VEZT: variants seen among roughly 807,000 people sequenced by gnomAD.
VEZT encodes vezatin, adherens junctions transmembrane protein.
Under a neutral mutation model 79.9 loss-of-function variants are expected in VEZT, and 39 were observed. The ratio of observed to expected loss-of-function variants is 0.49; its 90% CI spans 0.38 to 0.64. The LOEUF (loss-of-function observed/expected upper bound fraction) is 0.64, where lower values mean the gene tolerates loss of function less well. Among genes scored for constraint, VEZT ranks in the 30% least tolerant of loss-of-function variants. VEZT has a pLI of 0.00. For missense variants in VEZT, 837 were observed against 893.1 expected, an observed-to-expected ratio of 0.94 and a Z score of 0.80; for synonymous variants, 325 against 327.6, an observed-to-expected ratio of 0.99 and a Z score of 0.09.
intron 1 of VEZT, among the ~76,000 whole-genome samples, chr12:95,240,725 T>C (rs576338702): frequency 4.6e-5 from 7 of 152,336 alleles, no homozygotes; most frequent in South Asian, 2.1e-4. Flanking sequence ...TGTTGAGCAT[T>C]GCAAGTCATG....
chr12:95,236,352 C>T (rs540605298), intron 1 of VEZT, among the ~76,000 whole-genome samples: 14 of 152,178 alleles, frequency 9.2e-5, no homozygotes, highest in African/African-American at 3.4e-4. Flanking sequence ...AGGGAGGTTG[C>T]AGTGAGCCGA....
Position 95,300,349 on chromosome 12 carries a change from A to G in VEZT, c.2016A>G (p.Lys672=), listed in dbSNP as rs773917929. Residue 672 remains lysine (K), a synonymous_variant, in exon 12 of 12, where the codon AAA becomes AAG. Transcript: ENST00000436874. ...TATGTGAAAACTCTCTAGAAGGTAA[A>G]AATAAAGATAATTCTTCAAATGAAG... ...EYLCENSLEG[K]NKDNSSNEVF... 4 of 1,612,790 alleles carry G rather than the reference A, an allele frequency of 2.5e-6. No homozygotes were observed. In the South Asian group the frequency reaches 4.4e-5, roughly 18 times the overall value.
chr12:95,237,132 A>G (rs1208864111), intron 1 of VEZT, among the ~76,000 whole-genome samples: 1 of 152,192 alleles, frequency 6.6e-6, no homozygotes. Flanking sequence ...TGGGGTAGGT[A>G]ACAGCACTGA....
At chr12:95,228,760 T>G (rs2058839287) in intron 1 of VEZT, among the ~76,000 whole-genome samples, 1 of 152,098 alleles carries the variant, frequency 6.6e-6, no homozygotes, top group Admixed American at 6.6e-5. Flanking sequence ...TCCCAACAAT[T>G]TAGGAGGCTG....
Position 95,296,077 on chromosome 12 carries a change from A to G in VEZT, c.1650A>G (p.Ile550Met). ...AATTAGAAGCTTATGTAGATGATATAGATATTGATAGTGATTTCAGAAAGG... is the reference window on the plus strand; with the variant it reads ...AATTAGAAGCTTATGTAGATGATATGGATATTGATAGTGATTTCAGAAAGG... ...EQELEAYVDDIDIDSDFRKDD... is the reference protein window; with the variant it reads ...EQELEAYVDDMDIDSDFRKDD... The change falls in exon 11 of 12, where the codon ATA becomes ATG. Residue 550 changes from isoleucine (I) to methionine (M), a missense_variant. Coordinates refer to ENST00000436874, the MANE Select transcript of VEZT (RefSeq NM_017599.4). 1 of 1,554,940 alleles carries G rather than the reference A, an allele frequency of 6.4e-7. No homozygotes were observed. Among genetic ancestry groups the G allele is most frequent in the Non-Finnish European group, 8.7e-7 (1 of 1,148,232 alleles).
At chr12:95,240,067 AGG>A (rs1491099013) in intron 1 of VEZT, among the ~76,000 whole-genome samples, 1 of 92,372 alleles carries the variant, frequency 1.1e-5, no homozygotes, top group Non-Finnish European at 2.6e-5. Flanking sequence ...GAAGGAAGGA[AGG>A]AAGGAAGAAA....
chr12:95,269,426 A>T lies in VEZT; in HGVS notation c.711-625A>T, dbSNP rs148918206. Among the ~76,000 whole-genome samples the T allele has an allele frequency of 3.4e-4, 51 of 152,230 alleles. 2 individuals carry two copies. The highest frequency in any genetic ancestry group is 1.2e-3 in the African/African-American group (50 of 41,532). ...TGGCCACTGGTCCTGTTATCTTTCC[A>T]CGTCCCCTACTTCATTTTGAGTAGG... On this transcript the variant is annotated intron_variant, in intron 5 of 11. Transcript: ENST00000436874.
chr12:95,235,663 G>A (rs756372668), intron 1 of VEZT, among the ~76,000 whole-genome samples: 7,967 of 140,236 alleles, frequency 0.057, 535 homozygotes, highest in Non-Finnish European at 0.085. Context: ...CTGGCCGGGC[G>A]GGGGGCTGAC....
intron 6 of VEZT, among the ~76,000 whole-genome samples, chr12:95,271,915 C>T (rs530954748): frequency 4.3e-4 from 66 of 152,320 alleles, no homozygotes; most frequent in Non-Finnish European, 2.5e-4. Context: ...TGCAGTGGCT[C>T]ATGCCAGTAA....
intron 1 of VEZT, among the ~76,000 whole-genome samples, chr12:95,247,850 T>G (rs2061929218): frequency 3.3e-5 from 5 of 152,278 alleles, no homozygotes; most frequent in Middle Eastern, 3.4e-3. Context: ...AGTATCTGGG[T>G]TTACATGTGT....
At position 95,287,671 on chromosome 12, in the gene VEZT, A is replaced by G; in HGVS notation, c.1336A>G (p.Ile446Val). Reference protein sequence around the residue: ...HLKALLNEVIILEDELEKLVC... With the variant: ...HLKALLNEVIVLEDELEKLVC... ...TTTTTCTTTATGACTCAGGGTAATAATTCTTGAAGATGAACTTGAAAAGCT... is the reference window on the plus strand; with the variant it reads ...TTTTTCTTTATGACTCAGGGTAATAGTTCTTGAAGATGAACTTGAAAAGCT... Residue 446 changes from isoleucine (I) to valine (V), a missense_variant, in exon 9 of 12, where the codon ATT (isoleucine) becomes GTT (valine). Transcript: ENST00000436874. 2 of 1,559,106 alleles carry G rather than the reference A, an allele frequency of 1.3e-6. No individual in the cohort carries two copies. The highest frequency in any genetic ancestry group is 2.3e-5 in the East Asian group (1 of 43,202).
At chr12:95,237,512 A>G (rs1372163589) in intron 1 of VEZT, among the ~76,000 whole-genome samples, 1 of 152,206 alleles carries the variant, frequency 6.6e-6, no homozygotes, top group African/African-American at 2.4e-5. Context: ...TCACCAAACC[A>G]GAGGTTAAAC....
intron 1 of VEZT, among the ~76,000 whole-genome samples, chr12:95,251,078 T>C (rs2062526314): frequency 6.6e-6 from 1 of 152,240 alleles, no homozygotes; most frequent in East Asian, 1.9e-4. Context: ...TGGCGTGATC[T>C]CGGCTCACTG....
Position 95,288,828 on chromosome 12 carries a change from C to T in VEZT, c.1522+971C>T, listed in dbSNP as rs565997111. Among the ~76,000 whole-genome samples the T allele has an allele frequency of 1.9e-3, 295 of 152,226 alleles. 4 individuals carry two copies. Among genetic ancestry groups the T allele is most frequent in the Admixed American group, 3.8e-3 (58 of 15,288 alleles). On this transcript the variant is annotated intron_variant, in intron 9 of 11. Coordinates refer to ENST00000436874, the MANE Select transcript of VEZT (RefSeq NM_017599.4). ...CAAGAAACTCTGATATATGCAAATA[C>T]TTATGCATATTAAACTTTCTGATAT...
At chr12:95,243,417 T>TCAG (rs2061314614) in intron 1 of VEZT, among the ~76,000 whole-genome samples, 2 of 151,518 alleles carry the variant, frequency 1.3e-5, no homozygotes, top group Admixed American at 1.3e-4. Context: ...AGCTTCAGCT[T>TCAG]CAGCAGCTGT....
intron 8 of VEZT, among the ~76,000 whole-genome samples, chr12:95,285,542 T>C (rs1401937569): frequency 6.6e-6 from 1 of 152,152 alleles, no homozygotes; most frequent in Non-Finnish European, 1.5e-5. Flanking sequence ...AAAATACCTC[T>C]TCCTTAGTTG....
At chr12:95,258,635 A>G (rs1359735830) in intron 3 of VEZT, among the ~76,000 whole-genome samples, 1 of 152,140 alleles carries the variant, frequency 6.6e-6, no homozygotes, top group African/African-American at 2.4e-5. Context: ...TTGCTCTGTG[A>G]TATCTGAACA....
chr12:95,225,320 C>T (rs997204248), intron 1 of VEZT, among the ~76,000 whole-genome samples: 3 of 152,082 alleles, frequency 2.0e-5, no homozygotes, highest in Non-Finnish European at 2.9e-5. Context: ...TTTGGGAGTC[C>T]GAGGCGGGCG....
intron 2 of VEZT, among the ~76,000 whole-genome samples, chr12:95,255,265 AC>A (rs2063284879): frequency 6.6e-6 from 1 of 151,594 alleles, no homozygotes; most frequent in South Asian, 2.1e-4. Context: ...CCAAATCACC[AC>A]CCTCTCAGTT....
Sources: gnomAD v4.1 joint callset for allele counts (sites outside exome capture counted in the v4.1 genomes callset) on GRCh38, gnomAD v4.1.1 for gene constraint, MANE v1.5 for transcripts, NCBI Gene and HGNC (gene_info 2026-07-23, HGNC 2026-07-21) for gene names.